Variants in PKD2L2 observed in about 807,000 individuals in gnomAD.
PKD2L2 encodes polycystin 2 like 2, transient receptor potential cation channel, also known as polycystin-2-like protein 2.
PKD2L2 carries 67 observed loss-of-function variants against 83.9 expected under a neutral mutation model. That is an observed-to-expected ratio of 0.80 (90% CI 0.66 to 0.98). PKD2L2 has a LOEUF of 0.98. Ranked by LOEUF, PKD2L2 falls within the 50% of genes least tolerant of loss-of-function variation. The probability of loss-of-function intolerance (pLI) is 0.00; values close to 1 mark genes in which losing one functional copy is unlikely to be tolerated. For synonymous variants in PKD2L2, 223 were observed against 237.8 expected, an observed-to-expected ratio of 0.94 and a Z score of 0.57; for missense variants, 632 against 717.2, an observed-to-expected ratio of 0.88 and a Z score of 1.36.
chr5:137,918,871 C>T (rs1287853657), intron 8 of PKD2L2, among the ~76,000 whole-genome samples: 8 of 145,216 alleles, frequency 5.5e-5, no homozygotes, highest in Admixed American at 7.1e-5. Context: ...CTGATCCAGA[C>T]GAAATAGTTG....
chr5:137,917,162 C>CTTTTTTTTT (rs34636933), intron 8 of PKD2L2, among the ~76,000 whole-genome samples: 3 of 127,202 alleles, frequency 2.4e-5, no homozygotes, highest in Non-Finnish European at 3.2e-5. Flanking sequence ...GTTCACTTTT[C>CTTTTTTTTT]TTTTTTTTTT....
chr5:137,908,533 G>T (rs1757546794), intron 7 of PKD2L2, among the ~76,000 whole-genome samples: 1 of 151,892 alleles, frequency 6.6e-6, no homozygotes, highest in African/African-American at 2.4e-5. Flanking sequence ...AGAGGTTGCA[G>T]TGAGCCGAGA....
At chr5:137,922,558 C>T (rs1438251138) in intron 9 of PKD2L2, among the ~76,000 whole-genome samples, 4 of 151,832 alleles carry the variant, frequency 2.6e-5, no homozygotes, top group Admixed American at 1.3e-4. Flanking sequence ...GGCAACATGA[C>T]GAAATGCTGT....
Position 137,906,414 on chromosome 5 carries a change from C to G in PKD2L2, c.955C>G (p.Leu319Val), listed in dbSNP as rs202060903. The G allele has an allele frequency of 2.4e-5, 38 of 1,593,132 alleles. No individual in the cohort carries two copies. The highest frequency in any genetic ancestry group is 3.0e-5 in the Non-Finnish European group (35 of 1,163,166). ...SAYFKSIWNW[L>V]ELLLLLLCFV... is the part of the protein sequence containing the mutation. ...CTATTTCAAAAGTATTTGGAACTGG[C>G]TAGAATTGCTACTTTTGCTGGTGAG... The change falls in exon 6 of 15, where the codon CTA becomes GTA. Residue 319 changes from leucine to valine, a missense_variant. Transcript: ENST00000508883.
chr5:137,936,378 A>C lies in PKD2L2; in HGVS notation c.1843A>C (p.Asn615His). 1 of 1,534,700 alleles carries C rather than the reference A, an allele frequency of 6.5e-7. No individual in the cohort carries two copies. The highest frequency in any genetic ancestry group is 8.7e-7 in the Non-Finnish European group (1 of 1,145,356). ...ATTACACTACATCAATTTGAAGCTA[A>C]ATCAAGTGGTGAGAAAGGTTTCAGC... ...KELHYINLKLNQVVRKVSAL is the reference protein window; with the variant it reads ...KELHYINLKLHQVVRKVSAL The change falls in exon 14 of 15, where the codon AAT (asparagine) becomes CAT (histidine). Residue 615 changes from asparagine to histidine, a missense_variant. By Grantham distance (68) the Asn-to-His change is moderately conservative. Transcript: ENST00000508883.
chr5:137,938,960 A>G (rs891565577), intron 14 of PKD2L2: 1 of 152,184 alleles, frequency 6.6e-6, no homozygotes, highest in Non-Finnish European at 1.5e-5. Flanking sequence ...GCCTGACCCA[A>G]ATCTGCTGTT....
chr5:137,911,522 C>G (rs1009366842), intron 8 of PKD2L2, among the ~76,000 whole-genome samples: 2 of 151,940 alleles, frequency 1.3e-5, no homozygotes, highest in Non-Finnish European at 2.9e-5. Flanking sequence ...GATCTATTTC[C>G]CCCTCCAGAC....
At chr5:137,913,925 T>A (rs1285913913) in intron 8 of PKD2L2, among the ~76,000 whole-genome samples, 5 of 149,440 alleles carry the variant, frequency 3.3e-5, no homozygotes, top group Admixed American at 6.7e-5. Context: ...TGGAGTGCAA[T>A]GGTGTGATCC....
At chr5:137,933,683 G>C (rs145314802) in intron 12 of PKD2L2, among the ~76,000 whole-genome samples, 1 of 152,240 alleles carries the variant, frequency 6.6e-6, no homozygotes, top group East Asian at 1.9e-4. Context: ...ACTCTCAGTG[G>C]TCCTGCCTTT....
chr5:137,915,362 C>T (rs1376739192), intron 8 of PKD2L2, among the ~76,000 whole-genome samples: 2 of 151,922 alleles, frequency 1.3e-5, no homozygotes, highest in Non-Finnish European at 2.9e-5. Flanking sequence ...GAAGCCAGAT[C>T]CTTGGCTATT....
chr5:137,924,062 G>A (rs1170307254), intron 10 of PKD2L2, among the ~76,000 whole-genome samples: 1 of 152,098 alleles, frequency 6.6e-6, no homozygotes, highest in Admixed American at 6.5e-5. Context: ...GCTTACATTT[G>A]TGGAATACTT....
intron 12 of PKD2L2, among the ~76,000 whole-genome samples, chr5:137,934,886 CACACA>C (rs900991512): frequency 6.6e-6 from 1 of 151,980 alleles, no homozygotes; most frequent in African/African-American, 2.4e-5. Flanking sequence ...GTCACACACA[CACACA>C]AAAGAAAAAA....
At chr5:137,916,628 C>T (rs1471528450) in intron 8 of PKD2L2, among the ~76,000 whole-genome samples, 2 of 151,626 alleles carry the variant, frequency 1.3e-5, no homozygotes, top group African/African-American at 4.8e-5. Flanking sequence ...TACAGATGCG[C>T]ACCACCACAC....
intron 9 of PKD2L2, among the ~76,000 whole-genome samples, chr5:137,922,966 T>A (rs1012428593): frequency 6.6e-6 from 1 of 152,090 alleles, no homozygotes; most frequent in Non-Finnish European, 1.5e-5. Context: ...ATGGGTTATA[T>A]GGGTTACTTT....
rs746377980 is a variant in PKD2L2 at position 137,889,495 on chromosome 5, G to A, written c.4G>A (p.Ala2Thr). The change falls in exon 1 of 15, where the codon GCT becomes ACT. Residue 2 changes from alanine to threonine, a missense_variant. Around this residue, in one of 3 missense-constraint regions of PKD2L2, gnomAD observed 229 missense variants for 281.5 expected, o/e 0.81. Transcript: ENST00000508883. M[A>T]EASRWHRGGA... ...GGCGGTGTAGTGCAGGTCCGCCATG[G>A]CTGAGGCGTCACGGTGGCACCGAGG... 2 of 1,565,776 alleles carry A rather than the reference G, an allele frequency of 1.3e-6. No homozygotes were observed. Among genetic ancestry groups the A allele is most frequent in the Non-Finnish European group, 8.6e-7 (1 of 1,162,114 alleles).
At chr5:137,919,569 G>C (rs1033670883) in intron 8 of PKD2L2, among the ~76,000 whole-genome samples, 2 of 147,260 alleles carry the variant, frequency 1.4e-5, no homozygotes, top group Admixed American at 1.4e-4. Context: ...CACTAAAACA[G>C]AACCTCTTAT....
At position 137,916,125 on chromosome 5, in the gene PKD2L2, G is replaced by A. The variant is rs191897883; in HGVS notation, c.1329-5511G>A. Among the ~76,000 whole-genome samples the A allele has an allele frequency of 6.4e-4, 96 of 151,106 alleles. 1 individual carries two copies. The highest frequency in any genetic ancestry group is 1.1e-3 in the Non-Finnish European group (76 of 67,752). On this transcript the variant is annotated intron_variant, in intron 8 of 14. Transcript: ENST00000508883. Reference sequence around the variant, plus strand: ...GCTCCAGTGATCCACCCACCTTGGCGTCCCAAAGTGCTGGGATCACAGGCA... The same window carrying A: ...GCTCCAGTGATCCACCCACCTTGGCATCCCAAAGTGCTGGGATCACAGGCA...
intron 12 of PKD2L2, among the ~76,000 whole-genome samples, chr5:137,926,667 T>C (rs558429114): frequency 2.0e-5 from 3 of 152,292 alleles, no homozygotes; most frequent in African/African-American, 7.2e-5. Flanking sequence ...GGCTTCCAAA[T>C]AGCATTCTCC....
chr5:137,899,623 C>G lies in PKD2L2; in HGVS notation c.632C>G (p.Thr211Ser). Residue 211 changes from threonine (T) to serine (S), a missense_variant, in exon 5 of 15, where the codon ACC (threonine) becomes AGC (serine). Transcript: ENST00000508883. ...ACTTTATCAAAATCGAAATCTGAAA[C>G]CAAAAACAAGTTCATTGACCTTCGA... ...IFTLSKSKSE[T>S]KNKFIDLRLN... is the part of the protein sequence containing the mutation. 1 of 1,613,548 alleles carries G rather than the reference C, an allele frequency of 6.2e-7. No individual in the cohort carries two copies. The highest frequency in any genetic ancestry group is 8.5e-7 in the Non-Finnish European group (1 of 1,179,536).
Sources: allele counts gnomAD v4.1 joint callset (sites outside exome capture counted in the v4.1 genomes callset), GRCh38; gene constraint gnomAD v4.1.1; regional missense constraint gnomAD v4.1.1; transcripts MANE v1.5; gene names NCBI Gene and HGNC (gene_info 2026-07-23, HGNC 2026-07-21).